CYB5R1: variants seen among roughly 807,000 people sequenced by gnomAD.
CYB5R1 encodes the protein cytochrome b5 reductase 1.
A neutral mutation model predicts 37.4 loss-of-function variants in CYB5R1; 32 were observed. The observed-to-expected ratio is 0.86, with a 90% CI of 0.65 to 1.15. The LOEUF (loss-of-function observed/expected upper bound fraction) is 1.15, where lower values mean the gene tolerates loss of function less well. Ranked by LOEUF, CYB5R1 falls within the 50% of genes most tolerant of loss-of-function variation. The probability of loss-of-function intolerance (pLI) is 0.00; values close to 1 mark genes in which losing one functional copy is unlikely to be tolerated. For missense variants in CYB5R1, 345 were observed against 382.5 expected (o/e 0.90, Z 0.82); for synonymous variants, 159 against 155.2 (o/e 1.02, Z -0.18).
At chr1:202,965,694 G>A (rs557729471) in intron 4 of CYB5R1, among the ~76,000 whole-genome samples, 193 bp downstream of exon 4, 4 of 150,322 alleles carry the variant, frequency 2.7e-5, no homozygotes, top group East Asian at 1.9e-4. Context: ...GTGCAGTGGC[G>A]CAATCTTGGC....
chr1:202,967,150 G>T (rs374636337), intron 1 of CYB5R1, 41 bp downstream of exon 1: 80 of 1,604,496 alleles, frequency 5.0e-5, no homozygotes, highest in Non-Finnish European at 6.7e-5. Flanking sequence ...AACCAGATGG[G>T]GAGGGGTCCC....
At chr1:202,964,445 C>T in intron 6 of CYB5R1, 167 bp downstream of exon 6, 1 of 617,396 alleles carries the variant, frequency 1.6e-6, no homozygotes. Context: ...TTGGTTTCTA[C>T]CTGCTTATGA....
intron 6 of CYB5R1, chr1:202,964,141 C>G (rs1324343416): frequency 1.1e-5 from 2 of 188,252 alleles, no homozygotes; most frequent in Non-Finnish European, 2.2e-5. Context: ...AGTGAAATAA[C>G]CCTGTGGAAA....
Position 202,962,629 on chromosome 1 carries a change from A to G in CYB5R1, c.816T>C (p.Asp272=), listed in dbSNP as rs1655012310. ...IREHLPAPGD[D]VLVLLCGPPP... is the part of the protein sequence containing the mutation. ...GTGGCCCACAAAGCAGTACCAGCAC[A>G]TCATCCCCTGGAGCGGGCAGGTGTT... Residue 272 remains aspartate, a synonymous_variant, in exon 9 of 9, where the codon GAT becomes GAC. Transcript: ENST00000367249. 1.2e-6 allele frequency: 2 copies of G among 1,614,080 alleles called. No individual in the cohort carries two copies. Among genetic ancestry groups the G allele is most frequent in the African/African-American group, 1.3e-5 (1 of 74,932 alleles).
intron 1 of CYB5R1, 80 bp downstream of exon 1, chr1:202,967,111 C>T: frequency 1.3e-6 from 2 of 1,530,678 alleles, no homozygotes; most frequent in Non-Finnish European, 1.8e-6. Flanking sequence ...TCGGCAGCGA[C>T]AGCCCCTGGT....
chr1:202,966,133 C>T lies in CYB5R1; in HGVS notation c.239-140G>A, dbSNP rs1056713784. 4 of 647,240 alleles carry T rather than the reference C, an allele frequency of 6.2e-6. No individual in the cohort carries two copies. The African/African-American group carries it at 7.3e-5, about 12-fold the overall frequency. 40.1% of individuals were successfully genotyped at this position (647,240 alleles called of 1,614,324 possible). ...AGCTACAAGGCAGGGAAGATTTGCC[C>T]CATTGAGCCCTCAGTTGGATCTCTT... is the stretch of plus-strand genomic sequence containing the variant. On this transcript the variant is annotated intron_variant, in intron 3 of 8. Transcript: ENST00000367249.
chr1:202,965,332 A>G (rs1655062930), intron 5 of CYB5R1, 39 bp downstream of exon 5: 1 of 1,534,144 alleles, frequency 6.5e-7, no homozygotes, highest in Admixed American at 2.1e-5. Context: ...GGGAACTGAT[A>G]AAGTGGGAGA....
intron 6 of CYB5R1, 152 bp from the exon 7 acceptor site, chr1:202,963,879 A>G (rs924436207): frequency 1.3e-5 from 6 of 466,586 alleles, no homozygotes; most frequent in African/African-American, 4.1e-5. Flanking sequence ...CTCTTCCTGC[A>G]TATTCTCCAA....
intron 8 of CYB5R1, 124 bp from the exon 9 acceptor site, chr1:202,962,823 TGG>T: frequency 2.4e-6 from 3 of 1,259,502 alleles, no homozygotes; most frequent in Non-Finnish European, 3.4e-6. Context: ...TAGCAGCAGC[TGG>T]GAATGGGTAT....
intron 1 of CYB5R1, 87 bp from the exon 2 acceptor site, chr1:202,966,985 G>A (rs1381933784): frequency 1.3e-6 from 2 of 1,488,438 alleles, no homozygotes; most frequent in Admixed American, 4.5e-5. Context: ...GCGATCCCGA[G>A]CTCCAGCGCG....
At position 202,965,972 on chromosome 1, in the gene CYB5R1, G is replaced by A. The variant is rs1300979237; in HGVS notation, c.260C>T (p.Thr87Ile). Reference sequence around the variant, plus strand: ...GATGACCAGGCTGCCATCAATTCGGGTGGAGAGGTAGATATGTTTGCCTGG... The same window carrying A: ...GATGACCAGGCTGCCATCAATTCGGATGGAGAGGTAGATATGTTTGCCTGG... Reference protein sequence around the residue: ...LPVGKHIYLSTRIDGSLVIRP... With the variant: ...LPVGKHIYLSIRIDGSLVIRP... Residue 87 changes from threonine to isoleucine, a missense_variant, in exon 4 of 9, where the codon ACC (threonine) becomes ATC (isoleucine). Thr to Ile is a moderately conservative substitution (Grantham distance 89). Transcript: ENST00000367249. 1 of 1,613,624 alleles carries A rather than the reference G, an allele frequency of 6.2e-7. No individual in the cohort carries two copies. The highest frequency in any genetic ancestry group is 8.5e-7 in the Non-Finnish European group (1 of 1,179,658).
At chr1:202,964,355 C>T in intron 6 of CYB5R1, 1 of 519,148 alleles carries the variant, frequency 1.9e-6, no homozygotes, top group Non-Finnish European at 3.5e-6. Flanking sequence ...TCTCTTCTCT[C>T]ACCTAAAACT....
At chr1:202,967,050 G>T (rs1655112587) in intron 1 of CYB5R1, 141 bp downstream of exon 1, 3 of 1,424,780 alleles carry the variant, frequency 2.1e-6, no homozygotes, top group East Asian at 5.0e-5. Context: ...CCGGATGTGC[G>T]GGATCGGGAC....
Position 202,966,302 on chromosome 1 carries a change from G to A in CYB5R1, c.238+226C>T, listed in dbSNP as rs180714602. On this transcript the variant is annotated intron_variant, in intron 3 of 8. Transcript: ENST00000367249. Reference sequence around the variant, plus strand: ...GAGGGAGTAATTAGCAAATCCTGCAGGGAAGAGGCAAGACTGTTGAGTGTT... The same window carrying A: ...GAGGGAGTAATTAGCAAATCCTGCAAGGAAGAGGCAAGACTGTTGAGTGTT... 1.4e-3 allele frequency: 837 copies of A among 609,930 alleles called. 5 individuals are homozygous for A. The highest frequency in any genetic ancestry group is 0.013 in the African/African-American group (725 of 54,118). 37.8% of individuals were successfully genotyped at this position (609,930 alleles called of 1,614,324 possible).
intron 4 of CYB5R1, 105 bp from the exon 5 acceptor site, chr1:202,965,605 A>T: frequency 8.5e-7 from 1 of 1,174,730 alleles, no homozygotes; most frequent in Non-Finnish European, 1.2e-6. Flanking sequence ...GATATGTGCT[A>T]TCTTTTCCCC....
At chr1:202,967,076 G>A (rs951191004) in intron 1 of CYB5R1, 115 bp downstream of exon 1, 1 of 1,456,144 alleles carries the variant, frequency 6.9e-7, no homozygotes, top group Non-Finnish European at 9.4e-7. Flanking sequence ...CATCCACGGT[G>A]GGCCCAGAGC....
chr1:202,963,004 G>A, intron 8 of CYB5R1, 62 bp downstream of exon 8: 1 of 1,468,792 alleles, frequency 6.8e-7, no homozygotes, highest in African/African-American at 1.4e-5. Context: ...AATTCACAAA[G>A]GGGCAAGGCT....
At chr1:202,962,998 C>A (rs767377771) in intron 8 of CYB5R1, 68 bp downstream of exon 8, 8 of 1,442,698 alleles carry the variant, frequency 5.5e-6, no homozygotes, top group Non-Finnish European at 7.8e-6. Flanking sequence ...AGCCAGAATT[C>A]ACAAAGGGGC....
At chr1:202,962,753 G>T in intron 8 of CYB5R1, 54 bp from the exon 9 acceptor site, 1 of 1,595,794 alleles carries the variant, frequency 6.3e-7, no homozygotes, top group South Asian at 1.1e-5. Flanking sequence ...GCTGGCAAGG[G>T]GGTGTGGTGC....
Sources: gnomAD v4.1 joint callset for allele counts (sites outside exome capture counted in the v4.1 genomes callset) on GRCh38, gnomAD v4.1.1 for gene constraint, MANE v1.5 for transcripts, NCBI Gene and HGNC (gene_info 2026-07-23, HGNC 2026-07-21) for gene names.